PTPRM: variants seen among roughly 807,000 people sequenced by gnomAD.
PTPRM encodes receptor-type tyrosine-protein phosphatase mu.
A neutral mutation model predicts 186.7 loss-of-function variants in PTPRM; 47 were observed. The observed-to-expected ratio is 0.25, with a 90% CI of 0.20 to 0.32. The LOEUF is 0.32. Among genes scored for constraint, PTPRM ranks in the 10% least tolerant of loss-of-function variants. PTPRM has a pLI of 1.00. For missense variants in PTPRM, 1,494 were observed against 1,865.0 expected (o/e 0.80, Z 3.66); for synonymous variants, 668 against 674.9 (o/e 0.99, Z 0.16).
chr18:7,651,580 C>G (rs1378420862), intron 1 of PTPRM, among the ~76,000 whole-genome samples: 1 of 151,834 alleles, frequency 6.6e-6, no homozygotes, highest in African/African-American at 2.4e-5. Flanking sequence ...CAGAACAGAG[C>G]CCTCAGAAAT....
At chr18:7,973,225 G>T (rs911616156) in intron 7 of PTPRM, among the ~76,000 whole-genome samples, 8 of 151,822 alleles carry the variant, frequency 5.3e-5, no homozygotes, top group African/African-American at 2.4e-5. Context: ...CAATTATTTC[G>T]ATTTCTATAA....
At chr18:7,670,353 T>A (rs1248637826) in intron 1 of PTPRM, among the ~76,000 whole-genome samples, 2 of 152,202 alleles carry the variant, frequency 1.3e-5, no homozygotes, top group African/African-American at 4.8e-5. Context: ...ACTTTTTACT[T>A]ATATAGATTC....
chr18:8,118,409 C>T (rs937679134), intron 13 of PTPRM, among the ~76,000 whole-genome samples: 2 of 152,152 alleles, frequency 1.3e-5, no homozygotes, highest in Admixed American at 6.5e-5. Flanking sequence ...TGACTATTGT[C>T]TAGCTCAAGC....
At chr18:8,296,522 C>A in intron 20 of PTPRM, 67 bp downstream of exon 20, 1 of 1,161,618 alleles carries the variant, frequency 8.6e-7, no homozygotes, top group Non-Finnish European at 1.3e-6. Flanking sequence ...GATTGACCAC[C>A]AGGCTCATAC....
intron 11 of PTPRM, among the ~76,000 whole-genome samples, chr18:8,105,993 A>C (rs974532828): frequency 2.0e-5 from 3 of 152,188 alleles, no homozygotes; most frequent in African/African-American, 7.2e-5. Flanking sequence ...GACGAAGACC[A>C]TGCATGCCTT....
rs1388119409 is a variant in PTPRM at position 7,605,162 on chromosome 18, T to C, written c.73+37271T>C. 2.0e-5 allele frequency among the ~76,000 whole-genome samples: 3 copies of C among 151,448 alleles called. No homozygotes were observed. The East Asian group carries it at 6.0e-4, about 30-fold the overall frequency. ...GGCCACACAGAAAATACACTAACAC[T>C]AATGATAACTGATGAGCTTAAAAAA... On this transcript the variant is annotated intron_variant, in intron 1 of 32. Transcript: ENST00000580170.
intron 13 of PTPRM, among the ~76,000 whole-genome samples, chr18:8,119,672 T>C (rs909423222): frequency 6.6e-5 from 10 of 152,178 alleles, no homozygotes; most frequent in Non-Finnish European, 5.9e-5. Context: ...CCCTATGCTT[T>C]CCAAATTTAT....
intron 2 of PTPRM, among the ~76,000 whole-genome samples, chr18:7,795,810 C>CTTTCTTT (rs1475163856): frequency 8.5e-6 from 1 of 117,768 alleles, no homozygotes; most frequent in African/African-American, 3.2e-5. Context: ...TTCTTTCTTT[C>CTTTCTTT]TTTTTTTTTT....
chr18:7,628,607 A>T (rs1366762546), intron 1 of PTPRM, among the ~76,000 whole-genome samples: 1 of 152,222 alleles, frequency 6.6e-6, no homozygotes, highest in Admixed American at 6.5e-5. Context: ...ACTAAGCTTG[A>T]ATTCATTTTC....
chr18:7,785,446 A>G (rs2043054597), intron 2 of PTPRM, among the ~76,000 whole-genome samples: 1 of 152,078 alleles, frequency 6.6e-6, no homozygotes, highest in South Asian at 2.1e-4. Flanking sequence ...ATGTTGAGAG[A>G]GAGAGAGAGC....
chr18:7,889,693 A>G (rs927562541), intron 3 of PTPRM, among the ~76,000 whole-genome samples: 7 of 151,802 alleles, frequency 4.6e-5, no homozygotes, highest in Admixed American at 6.6e-5. Flanking sequence ...AAGGCATAGC[A>G]CCTGAGTCTA....
chr18:8,383,851 G>A (rs910676448), intron 29 of PTPRM, among the ~76,000 whole-genome samples: 3 of 152,066 alleles, frequency 2.0e-5, no homozygotes, highest in African/African-American at 7.2e-5. Flanking sequence ...GGAGATCTGG[G>A]CATTAAGAGT....
intron 7 of PTPRM, among the ~76,000 whole-genome samples, chr18:8,052,069 A>G (rs1222641316): frequency 6.6e-6 from 1 of 152,200 alleles, no homozygotes; most frequent in Non-Finnish European, 1.5e-5. Context: ...GTGAAGATTC[A>G]GCTTCAGGAG....
chr18:7,979,974 G>T (rs1435177335), intron 7 of PTPRM, among the ~76,000 whole-genome samples: 2 of 152,172 alleles, frequency 1.3e-5, no homozygotes. Flanking sequence ...TCTCGCTCCT[G>T]CCTCTGGGCA....
chr18:7,899,506 CATA>C (rs763645935), intron 3 of PTPRM, among the ~76,000 whole-genome samples: 2 of 152,156 alleles, frequency 1.3e-5, no homozygotes, highest in Non-Finnish European at 2.9e-5. Flanking sequence ...AAAATTATTT[CATA>C]ATAAGATAAG....
intron 1 of PTPRM, among the ~76,000 whole-genome samples, chr18:7,715,673 A>C (rs2144814847): frequency 6.6e-6 from 1 of 152,376 alleles, no homozygotes; most frequent in South Asian, 2.1e-4. Flanking sequence ...AGGATACAAA[A>C]TCAATGTGCA....
intron 14 of PTPRM, among the ~76,000 whole-genome samples, chr18:8,188,994 A>C (rs1023274658): frequency 6.6e-6 from 1 of 152,180 alleles, no homozygotes; most frequent in Non-Finnish European, 1.5e-5. Flanking sequence ...TTATTTTTGT[A>C]TGTTTTTCAT....
chr18:7,974,217 T>C (rs1157223351), intron 7 of PTPRM, among the ~76,000 whole-genome samples: 1 of 152,208 alleles, frequency 6.6e-6, no homozygotes, highest in Non-Finnish European at 1.5e-5. Flanking sequence ...TGTTTATTCA[T>C]TTATTGATTT....
At position 8,343,575 on chromosome 18, in the gene PTPRM, A is replaced by G; in HGVS notation, c.3054+55A>G. On this transcript the variant is annotated intron_variant, in intron 23 of 32. Transcript: ENST00000580170. ...TTTTGTTCCTTGCTTAGTTGGTAAC[A>G]GAAAGTAAGGCATGAGGCAAGCTTT... 3 of 1,529,652 alleles carry G rather than the reference A, an allele frequency of 2.0e-6. No individual in the cohort carries two copies. In the Admixed American group the frequency reaches 5.1e-5, roughly 26 times the overall value. 94.8% of individuals were successfully genotyped at this position (1,529,652 alleles called of 1,614,324 possible). A position where few individuals can be genotyped will look rare whatever the true frequency, so the allele number is the denominator to read the frequency against.
Sources: allele counts gnomAD v4.1 joint callset (sites outside exome capture counted in the v4.1 genomes callset), GRCh38; gene constraint gnomAD v4.1.1; transcripts MANE v1.5; gene names NCBI Gene and HGNC (gene_info 2026-07-23, HGNC 2026-07-21).